The following CCDC192 variants were observed in gnomAD, a reference collection of about 807,000 sequenced individuals.
CCDC192 encodes coiled-coil domain containing 192, also known as coiled-coil domain-containing protein 192.
At chr5:127,831,283 A>G (rs1561512464) in intron 5 of CCDC192, among the ~76,000 whole-genome samples, 1 of 152,194 alleles carries the variant, frequency 6.6e-6, no homozygotes, top group African/African-American at 2.4e-5. Context: ...AAAATTAAAC[A>G]TTTAAAATCA....
rs1389609543 is a variant in CCDC192 at position 127,797,178 on chromosome 5, G to A, written c.298G>A (p.Asp100Asn). The change falls in exon 4 of 7, where the codon GAC (aspartate) becomes AAC (asparagine). Residue 100 changes from aspartate to asparagine, a missense_variant. Physicochemically the swap from Asp to Asn is conservative, Grantham distance 23 (BLOSUM62 1). Coordinates refer to ENST00000514853, the MANE Select transcript of CCDC192 (RefSeq NM_001317938.2). ...SRLEEKLEAV[D>N]HKEASGGPYE... ...GCTGGAGGAAAAACTGGAGGCTGTG[G>A]ACCACAAGGAAGCCAGTGGGGGACC... The A allele has an allele frequency of 2.5e-6, 1 of 398,284 alleles. No individual in the cohort carries two copies. Among genetic ancestry groups the A allele is most frequent in the Non-Finnish European group, 4.4e-6 (1 of 225,670 alleles). 24.7% of individuals were successfully genotyped at this position (398,284 alleles called of 1,614,324 possible).
rs180947021 is a variant in CCDC192 at position 127,722,382 on chromosome 5, T to C, written c.114+14622T>C. Among the ~76,000 whole-genome samples the C allele has an allele frequency of 2.5e-3, 375 of 152,282 alleles. 1 individual carries two copies. The Middle Eastern group carries it at 0.031, about 12-fold the overall frequency. ...TGAATCCCTTGTCAGATGGGTAGTT[T>C]GCAAATATTTTCTCCCATTTGTGGG... is the stretch of plus-strand genomic sequence containing the variant. On this transcript the variant is annotated intron_variant, in intron 2 of 6. Coordinates refer to ENST00000514853, the MANE Select transcript of CCDC192 (RefSeq NM_001317938.2).
chr5:127,875,850 G>T (rs981251794), intron 6 of CCDC192, among the ~76,000 whole-genome samples, 189 bp downstream of exon 6: 19 of 152,080 alleles, frequency 1.2e-4, no homozygotes, highest in African/African-American at 4.3e-4. Flanking sequence ...GGCAGGGAAT[G>T]AATAAGCGGT....
intron 2 of CCDC192, among the ~76,000 whole-genome samples, chr5:127,714,846 A>G (rs1294304142): frequency 1.3e-5 from 2 of 152,108 alleles, no homozygotes; most frequent in African/African-American, 4.8e-5. Flanking sequence ...ATGATATCTT[A>G]TTGTGGTTTT....
chr5:127,908,810 G>A (rs1450935812), intron 6 of CCDC192, among the ~76,000 whole-genome samples: 2 of 152,114 alleles, frequency 1.3e-5, no homozygotes, highest in African/African-American at 4.8e-5. Flanking sequence ...TTCAACTTTG[G>A]CATCCAAGTT....
chr5:127,909,723 A>C (rs1420200497), intron 6 of CCDC192, among the ~76,000 whole-genome samples: 1 of 152,180 alleles, frequency 6.6e-6, no homozygotes, highest in Non-Finnish European at 1.5e-5. Flanking sequence ...TTAGTTATAA[A>C]GTGCTAAGAC....
chr5:127,714,037 C>G (rs886557641), intron 2 of CCDC192, among the ~76,000 whole-genome samples: 1 of 152,136 alleles, frequency 6.6e-6, no homozygotes, highest in South Asian at 2.1e-4. Flanking sequence ...ATTTTACTCT[C>G]TATTTCTATG....
In CCDC192 at chr5:127,910,340, G is replaced by A. The variant is rs891406581; in HGVS notation, c.536-30842G>A. Among the ~76,000 whole-genome samples, 4 of 152,308 alleles carry A rather than the reference G, an allele frequency of 2.6e-5. No individual in the cohort carries two copies. In the East Asian group the frequency reaches 7.7e-4, roughly 29 times the overall value. ...GCAAAAGCTCAACACACAAGAATGG[G>A]TGGCAGCTCTTTAGACTGGCTTCTT... On this transcript the variant is annotated intron_variant, in intron 6 of 6. Transcript: ENST00000514853.
At position 127,925,980 on chromosome 5, in the gene CCDC192, C is replaced by T. The variant is rs1753852095; in HGVS notation, c.536-15202C>T. On this transcript the variant is annotated intron_variant, in intron 6 of 6. Coordinates refer to ENST00000514853, the MANE Select transcript of CCDC192 (RefSeq NM_001317938.2). ...GCAAATCAGGCAGCCCCCAGAATCA[C>T]AGCAGATTCACAGAGACTCCAGTTC... Among the ~76,000 whole-genome samples the T allele has an allele frequency of 2.0e-5, 3 of 152,180 alleles. No individual in the cohort carries two copies. In the South Asian group the frequency reaches 6.2e-4, roughly 32 times the overall value.
intron 6 of CCDC192, among the ~76,000 whole-genome samples, chr5:127,911,699 CTTTTTTT>C (rs10718531): frequency 8.5e-6 from 1 of 117,340 alleles, no homozygotes; most frequent in Non-Finnish European, 1.8e-5. Context: ...CCTTATACCA[CTTTTTTT>C]TTTTTTTTTT....
At position 127,839,183 on chromosome 5, in the gene CCDC192, CA is replaced by C. The variant is rs1018304482; in HGVS notation, c.412-36353del. 2.3e-4 allele frequency among the ~76,000 whole-genome samples: 35 copies of C among 152,112 alleles called. 1 individual carries two copies. Among genetic ancestry groups the C allele is most frequent in the Admixed American group, 1.2e-3 (19 of 15,270 alleles). Reference sequence around the variant, plus strand: ...AAGGCAATAATAAGGCTACCTATTACAAGTGCTTAAGGTGAAAAACTGGAAA... The same window carrying C: ...AAGGCAATAATAAGGCTACCTATTACAGTGCTTAAGGTGAAAAACTGGAAA... On this transcript the variant is annotated intron_variant, in intron 5 of 6. Coordinates refer to ENST00000514853, the MANE Select transcript of CCDC192 (RefSeq NM_001317938.2).
chr5:127,922,987 G>A (rs1199925819), intron 6 of CCDC192, among the ~76,000 whole-genome samples: 4 of 152,170 alleles, frequency 2.6e-5, no homozygotes, highest in Non-Finnish European at 4.4e-5. Flanking sequence ...AGCCATCTGA[G>A]TACCAAAATA....
At chr5:127,788,233 T>G (rs931185882) in intron 3 of CCDC192, among the ~76,000 whole-genome samples, 1 of 152,222 alleles carries the variant, frequency 6.6e-6, no homozygotes, top group Non-Finnish European at 1.5e-5. Context: ...GTTTTATATC[T>G]CCTTGACAAA....
At chr5:127,741,330 T>C (rs1269949864) in intron 2 of CCDC192, among the ~76,000 whole-genome samples, 3 of 152,170 alleles carry the variant, frequency 2.0e-5, no homozygotes. Flanking sequence ...CCCAAAATGC[T>C]GGGACTGCAG....
chr5:127,720,448 C>A (rs1395879183), intron 2 of CCDC192, among the ~76,000 whole-genome samples: 1 of 152,222 alleles, frequency 6.6e-6, no homozygotes, highest in East Asian at 1.9e-4. Flanking sequence ...AGGGGACAGC[C>A]ACCATGGCTG....
At chr5:127,799,560 A>G (rs1897524) in intron 5 of CCDC192, among the ~76,000 whole-genome samples, 21,708 of 152,172 alleles carry the variant, frequency 0.14, 3,587 homozygotes, top group African/African-American at 0.39. Context: ...ACATGGAAGA[A>G]GCTTTTAGCT....
Position 127,812,722 on chromosome 5 carries a change from G to A in CCDC192, c.411+14560G>A, listed in dbSNP as rs547524504. 8.9e-4 allele frequency among the ~76,000 whole-genome samples: 135 copies of A among 152,256 alleles called. 2 individuals are homozygous for A. Among genetic ancestry groups the A allele is most frequent in the African/African-American group, 2.8e-3 (118 of 41,556 alleles). Reference sequence around the variant, plus strand: ...GCCAAAGGAGGAATTAGTACGGGGCGTTTCTGCTCACCTTCACTTGAGTAA... The same window carrying A: ...GCCAAAGGAGGAATTAGTACGGGGCATTTCTGCTCACCTTCACTTGAGTAA... On this transcript the variant is annotated intron_variant, in intron 5 of 6. Coordinates refer to ENST00000514853, the MANE Select transcript of CCDC192 (RefSeq NM_001317938.2).
chr5:127,719,829 A>AG (rs1554068199), intron 2 of CCDC192, among the ~76,000 whole-genome samples: 3,863 of 94,124 alleles, frequency 0.041, 211 homozygotes, highest in African/African-American at 0.11. Context: ...GATCAGAGGA[A>AG]GGGGCGGGGG....
At chr5:127,932,610 A>G (rs1754068523) in intron 6 of CCDC192, among the ~76,000 whole-genome samples, 1 of 152,220 alleles carries the variant, frequency 6.6e-6, no homozygotes, top group African/African-American at 2.4e-5. Flanking sequence ...AGATACAGCA[A>G]TTGTAACCTT....
Sources: allele counts gnomAD v4.1 joint callset (sites outside exome capture counted in the v4.1 genomes callset), GRCh38; gene constraint gnomAD v4.1.1; transcripts MANE v1.5; gene names NCBI Gene and HGNC (gene_info 2026-07-23, HGNC 2026-07-21).